Variants in CYB5R4 observed in about 807,000 individuals in gnomAD.
CYB5R4 encodes cytochrome b5 reductase 4.
In CYB5R4, 55 loss-of-function variants were observed where a neutral mutation model predicts 70.2. The ratio of observed to expected loss-of-function variants is 0.78; its 90% confidence interval spans 0.63 to 0.98. The LOEUF (loss-of-function observed/expected upper bound fraction) is 0.98. CYB5R4 is among the 50% of genes least tolerant of loss of function. The probability of loss-of-function intolerance (pLI) is 0.00; values close to 1 mark genes in which losing one functional copy is unlikely to be tolerated. For synonymous variants in CYB5R4, 197 were observed against 199.5 expected (o/e 0.99, Z 0.11); for missense variants, 562 against 612.6 (o/e 0.92, Z 0.87).
chr6:83,910,296 G>A (rs2099464474), intron 4 of CYB5R4: 2 of 642,706 alleles, frequency 3.1e-6, no homozygotes. Flanking sequence ...AGACAATTTA[G>A]GTAGACAAAG....
chr6:83,955,321 C>T lies in CYB5R4; in HGVS notation c.1370C>T (p.Ser457Leu). 1 of 1,613,538 alleles carries T rather than the reference C, an allele frequency of 6.2e-7. No individual in the cohort carries two copies. Among genetic ancestry groups the T allele is most frequent in the Non-Finnish European group, 8.5e-7 (1 of 1,179,702 alleles). The change falls in exon 15 of 16, where the codon TCA (serine) becomes TTA (leucine). Residue 457 changes from serine to leucine, a missense_variant. Ser to Leu is a moderately radical substitution (Grantham distance 145). Coordinates refer to ENST00000369681, the MANE Select transcript of CYB5R4 (RefSeq NM_016230.4). Reference sequence around the variant, plus strand: ...AGACTGGATGTTGAATTTGTTCTCTCAGCACCTATTTCTGAATGGAATGGC... The same window carrying T: ...AGACTGGATGTTGAATTTGTTCTCTTAGCACCTATTTCTGAATGGAATGGC... ...DKRLDVEFVL[S>L]APISEWNGKQ...
intron 11 of CYB5R4, among the ~76,000 whole-genome samples, chr6:83,935,825 T>G (rs2099468830): frequency 6.6e-6 from 1 of 152,076 alleles, no homozygotes; most frequent in Admixed American, 6.6e-5. Flanking sequence ...TTTTAAAAAT[T>G]TGGTGTATAA....
intron 7 of CYB5R4, among the ~76,000 whole-genome samples, 180 bp downstream of exon 7, chr6:83,919,634 A>G (rs1367208553): frequency 6.6e-6 from 1 of 152,082 alleles, no homozygotes; most frequent in Non-Finnish European, 1.5e-5. Flanking sequence ...AATTCACCCA[A>G]AGTTACACAC....
At chr6:83,947,920 C>A (rs146351660) in intron 14 of CYB5R4, among the ~76,000 whole-genome samples, 2 of 152,110 alleles carry the variant, frequency 1.3e-5, no homozygotes, top group African/African-American at 2.4e-5. Flanking sequence ...ACACTGTTGG[C>A]AGGAGTGCAA....
intron 4 of CYB5R4, among the ~76,000 whole-genome samples, chr6:83,911,425 T>C (rs1162824521): frequency 6.6e-6 from 1 of 152,126 alleles, no homozygotes; most frequent in Non-Finnish European, 1.5e-5. Flanking sequence ...ATGGTAAATT[T>C]AGGACTTTGT....
rs115297655 is a variant in CYB5R4, at chr6:83,867,764, G to A, written c.229+3436G>A. Among the ~76,000 whole-genome samples, 290 of 152,346 alleles carry A rather than the reference G, an allele frequency of 1.9e-3. 3 individuals carry two copies. The highest frequency in any genetic ancestry group is 6.1e-3 in the African/African-American group (254 of 41,576). Reference sequence around the variant, plus strand: ...CAGCATGACTCAGCGGGTTTGGAGCGCAGGCACATAACCTCGCACATTATG... The same window carrying A: ...CAGCATGACTCAGCGGGTTTGGAGCACAGGCACATAACCTCGCACATTATG... On this transcript the variant is annotated intron_variant, in intron 2 of 15. Coordinates refer to ENST00000369681, the MANE Select transcript of CYB5R4 (RefSeq NM_016230.4).
At chr6:83,930,001 G>T (rs2099467920) in intron 10 of CYB5R4, among the ~76,000 whole-genome samples, 1 of 152,072 alleles carries the variant, frequency 6.6e-6, no homozygotes, top group Non-Finnish European at 1.5e-5. Context: ...TGGTTTCCCA[G>T]TGCATGTAAA....
At chr6:83,863,462 T>A (rs1245965390) in intron 1 of CYB5R4, among the ~76,000 whole-genome samples, 1 of 152,246 alleles carries the variant, frequency 6.6e-6, no homozygotes, top group Non-Finnish European at 1.5e-5. Context: ...CTGTTTATCT[T>A]GACAGTCCAG....
intron 15 of CYB5R4, among the ~76,000 whole-genome samples, chr6:83,957,622 C>CA (rs34196225): frequency 0.17 from 11,135 of 65,320 alleles, 1,232 homozygotes; most frequent in African/African-American, 0.3. Flanking sequence ...AACTCTGTCT[C>CA]AAAAAAAAAA....
At chr6:83,879,011 A>G (rs1417109877) in intron 2 of CYB5R4, among the ~76,000 whole-genome samples, 5 of 151,996 alleles carry the variant, frequency 3.3e-5, no homozygotes, top group Admixed American at 3.3e-4. Flanking sequence ...CAGTGCTGTT[A>G]CTTATTACTT....
chr6:83,861,494 C>T (rs2099455923), intron 1 of CYB5R4, among the ~76,000 whole-genome samples: 1 of 152,208 alleles, frequency 6.6e-6, no homozygotes, highest in Admixed American at 6.5e-5. Context: ...AAAAAAAATT[C>T]GTTTTGGCCA....
chr6:83,878,416 C>T (rs749746575), intron 2 of CYB5R4, among the ~76,000 whole-genome samples: 24 of 151,858 alleles, frequency 1.6e-4, no homozygotes, highest in Admixed American at 6.6e-4. Context: ...GGTGCAGTCT[C>T]GGCTCACTGC....
intron 1 of CYB5R4, among the ~76,000 whole-genome samples, chr6:83,863,099 T>C (rs2099456209): frequency 6.6e-6 from 1 of 152,194 alleles, no homozygotes; most frequent in South Asian, 2.1e-4. Flanking sequence ...AATGTTCTGG[T>C]CAAAGTACTA....
intron 4 of CYB5R4, among the ~76,000 whole-genome samples, chr6:83,912,456 T>A (rs1345411457): frequency 6.6e-6 from 1 of 152,206 alleles, no homozygotes; most frequent in Non-Finnish European, 1.5e-5. Flanking sequence ...GTGCCTCTGC[T>A]CAGCAGAGGT....
intron 14 of CYB5R4, among the ~76,000 whole-genome samples, chr6:83,942,637 G>T (rs891734520): frequency 2.0e-5 from 3 of 152,148 alleles, no homozygotes; most frequent in Admixed American, 6.5e-5. Flanking sequence ...CTGGAAAGGG[G>T]GCTGAAGCCA....
intron 14 of CYB5R4, among the ~76,000 whole-genome samples, chr6:83,949,531 T>C (rs541320657): frequency 1.1e-4 from 17 of 152,156 alleles, no homozygotes; most frequent in Non-Finnish European, 1.8e-4. Flanking sequence ...TGTGGTTAAA[T>C]TATTATTGAA....
chr6:83,908,339 G>C (rs999836327), intron 3 of CYB5R4, among the ~76,000 whole-genome samples: 2 of 151,942 alleles, frequency 1.3e-5, no homozygotes, highest in Non-Finnish European at 2.9e-5. Context: ...TTGTTATGTA[G>C]GTAAAATGTG....
intron 3 of CYB5R4, among the ~76,000 whole-genome samples, chr6:83,900,038 A>G (rs2099462631): frequency 6.6e-6 from 1 of 151,900 alleles, no homozygotes; most frequent in South Asian, 2.1e-4. Context: ...TTGCTTCTCT[A>G]GTTCTTTTAA....
chr6:83,952,726 A>C (rs2099471738), intron 14 of CYB5R4, among the ~76,000 whole-genome samples: 1 of 152,220 alleles, frequency 6.6e-6, no homozygotes, highest in Non-Finnish European at 1.5e-5. Context: ...GGCTAAAATC[A>C]GGTGCTGAAA....
Sources: allele counts gnomAD v4.1 joint callset (sites outside exome capture counted in the v4.1 genomes callset), GRCh38; gene constraint gnomAD v4.1.1; transcripts MANE v1.5; gene names NCBI Gene and HGNC (gene_info 2026-07-23, HGNC 2026-07-21).